TCF12: variants seen among roughly 807,000 people sequenced by gnomAD.
The protein encoded by TCF12 is DNA-binding protein HTF4.
In TCF12, 45 loss-of-function variants were observed where a neutral mutation model predicts 86.0. The observed-to-expected ratio is 0.52, with a 90% CI of 0.41 to 0.67. TCF12 has a LOEUF of 0.67. Ranked by LOEUF, TCF12 falls within the 30% of genes least tolerant of loss-of-function variation. The probability of loss-of-function intolerance (pLI) is 0.00; values close to 1 mark genes in which losing one functional copy is unlikely to be tolerated. For missense variants in TCF12, 881 were observed against 859.9 expected, an observed-to-expected ratio of 1.02 and a Z score of -0.31; for synonymous variants, 330 against 299.6, an observed-to-expected ratio of 1.10 and a Z score of -1.05.
chr15:57,276,804 T>C (rs1316231545), intron 19 of TCF12, among the ~76,000 whole-genome samples: 2 of 121,294 alleles, frequency 1.6e-5, no homozygotes, highest in African/African-American at 6.1e-5. Context: ...TTCTTTTTTT[T>C]TTCCTTTTTT....
chr15:57,233,574 C>G (rs549475056), intron 11 of TCF12, among the ~76,000 whole-genome samples: 134 of 151,790 alleles, frequency 8.8e-4, no homozygotes, highest in Non-Finnish European at 1.6e-3. Context: ...CGCCTCCAGG[C>G]TCAGGTGATA....
intron 6 of TCF12, among the ~76,000 whole-genome samples, chr15:57,170,947 T>C (rs866034510): frequency 6.7e-6 from 1 of 148,410 alleles, no homozygotes; most frequent in South Asian, 2.1e-4. Context: ...CAGAGGAAAT[T>C]TAAATTTTTA....
At chr15:57,154,920 A>G (rs1349415998) in intron 5 of TCF12, among the ~76,000 whole-genome samples, 2 of 152,196 alleles carry the variant, frequency 1.3e-5, no homozygotes, top group African/African-American at 4.8e-5. Flanking sequence ...CAGTTCAAAA[A>G]TAATAACTAA....
intron 3 of TCF12, among the ~76,000 whole-genome samples, chr15:56,987,247 G>A (rs1214013594): frequency 2.0e-5 from 3 of 152,072 alleles, no homozygotes; most frequent in African/African-American, 7.2e-5. Context: ...CTGAGTAGCT[G>A]GGATTACAGG....
chr15:56,930,335 C>G (rs1159054480), intron 3 of TCF12, among the ~76,000 whole-genome samples: 4 of 152,230 alleles, frequency 2.6e-5, no homozygotes, highest in Admixed American at 6.5e-5. Context: ...GGTTTGACCA[C>G]AGGTCAGTTT....
At chr15:57,270,756 G>A (rs1035537592) in intron 18 of TCF12, among the ~76,000 whole-genome samples, 15 of 152,300 alleles carry the variant, frequency 9.8e-5, no homozygotes, top group African/African-American at 3.6e-4. Context: ...TGGTGTGGAT[G>A]TCCTTTTTGT....
At chr15:56,998,497 A>G (rs115039467) in intron 3 of TCF12, among the ~76,000 whole-genome samples, 1,739 of 151,994 alleles carry the variant, frequency 0.011, 32 homozygotes, top group African/African-American at 0.039. Flanking sequence ...GAGACTATCA[A>G]CCAGATAAAT....
intron 3 of TCF12, among the ~76,000 whole-genome samples, chr15:56,990,958 C>A (rs1224485067): frequency 3.3e-5 from 5 of 151,900 alleles, no homozygotes; most frequent in African/African-American, 1.2e-4. Flanking sequence ...CTGCACTTGG[C>A]TAATCCTTAA....
chr15:57,049,241 CT>C (rs1243874132), intron 3 of TCF12, among the ~76,000 whole-genome samples: 1 of 152,170 alleles, frequency 6.6e-6, no homozygotes, highest in Non-Finnish European at 1.5e-5. Flanking sequence ...CCCTCTACCC[CT>C]TTGTGCTTCC....
intron 6 of TCF12, among the ~76,000 whole-genome samples, chr15:57,177,608 C>CAGAGAGAAAGAGAGAGAGAGAG (rs1730782766): frequency 1.6e-5 from 2 of 122,962 alleles, no homozygotes; most frequent in African/African-American, 6.2e-5. Flanking sequence ...GTTAAAAGGC[C>CAGAGAGAAAGAGAGAGAGAGAG]AGAGAGAGAG....
At chr15:56,919,767 G>C (rs2059692391) in intron 1 of TCF12, 125 bp from the exon 2 acceptor site, 1 of 754,670 alleles carries the variant, frequency 1.3e-6, no homozygotes, top group African/African-American at 1.8e-5. Context: ...GGAGCGAGTC[G>C]GGGTCCTGGA....
At chr15:57,051,169 T>C (rs1267280475) in intron 3 of TCF12, among the ~76,000 whole-genome samples, 4 of 152,216 alleles carry the variant, frequency 2.6e-5, no homozygotes, top group Non-Finnish European at 5.9e-5. Flanking sequence ...GGCATGGTTT[T>C]ATGCTTTGTT....
chr15:56,986,057 C>CTACAAT (rs2063164791), intron 3 of TCF12, among the ~76,000 whole-genome samples: 1 of 152,058 alleles, frequency 6.6e-6, no homozygotes, highest in South Asian at 2.1e-4. Flanking sequence ...CAATTTGAAA[C>CTACAAT]TTGAAATAAG....
At chr15:57,092,444 C>T (rs1452612627) in intron 5 of TCF12, among the ~76,000 whole-genome samples, 3 of 152,124 alleles carry the variant, frequency 2.0e-5, no homozygotes, top group Non-Finnish European at 4.4e-5. Flanking sequence ...GTATGCACTA[C>T]CATCTAAACT....
chr15:56,962,120 G>T (rs1057405577), intron 3 of TCF12, among the ~76,000 whole-genome samples: 1 of 134,470 alleles, frequency 7.4e-6, no homozygotes. Flanking sequence ...GTGACAGAGC[G>T]AGACTCCGTC....
At chr15:56,918,612 C>T (rs544031999), upstream of TCF12, 138 of 216,066 alleles carry the variant, frequency 6.4e-4, 4 homozygotes, top group South Asian at 6.4e-3. Flanking sequence ...GGTTAACCCG[C>T]GGCTCTTCCC....
At chr15:57,120,434 ATTGT>A (rs1345233424) in intron 5 of TCF12, among the ~76,000 whole-genome samples, 1 of 152,136 alleles carries the variant, frequency 6.6e-6, no homozygotes, top group African/African-American at 2.4e-5. Context: ...GTGCTCAATA[ATTGT>A]TTGTTGAACT....
intron 3 of TCF12, among the ~76,000 whole-genome samples, chr15:57,055,807 G>A (rs1386331426): frequency 1.3e-5 from 2 of 152,078 alleles, no homozygotes; most frequent in African/African-American, 4.8e-5. Context: ...GTTTCACTGA[G>A]TACAGTCTTT....
rs190012542 is a variant in TCF12, at chr15:57,219,040, T to C, written c.580-12112T>C. On this transcript the variant is annotated intron_variant, in intron 8 of 20. Coordinates refer to ENST00000333725, the MANE Select transcript of TCF12 (RefSeq NM_207037.2). ...ATGTGTTTATCAAAGTTGAAGCAAC[T>C]TTAGACCATGGCAGATGGTAACGCT... 9.5e-6 allele frequency: 10 copies of C among 1,048,260 alleles called. No homozygotes were observed. The African/African-American group carries it at 1.5e-4, about 16-fold the overall frequency. 64.9% of individuals were successfully genotyped at this position (1,048,260 alleles called of 1,614,324 possible).
Sources: gnomAD v4.1 joint callset for allele counts (sites outside exome capture counted in the v4.1 genomes callset) on GRCh38, gnomAD v4.1.1 for gene constraint, MANE v1.5 for transcripts, NCBI Gene and HGNC (gene_info 2026-07-23, HGNC 2026-07-21) for gene names.